The following PRKCA variants were observed in gnomAD, a reference collection of about 807,000 sequenced individuals.
The protein encoded by PRKCA is protein kinase C alpha type.
A neutral mutation model predicts 87.0 loss-of-function variants in PRKCA; 27 were observed. The observed-to-expected ratio is 0.31, with a 90% CI of 0.23 to 0.43. PRKCA has a LOEUF of 0.43. PRKCA is among the 20% of genes least tolerant of loss of function. The pLI is 1.00. For missense variants in PRKCA, 518 were observed against 852.3 expected (o/e 0.61, Z 4.88); for synonymous variants, 329 against 311.1 (o/e 1.06, Z -0.61).
At chr17:66,463,517 T>G (rs1312381800) in intron 2 of PRKCA, among the ~76,000 whole-genome samples, 1 of 152,034 alleles carries the variant, frequency 6.6e-6, no homozygotes, top group Non-Finnish European at 1.5e-5. Context: ...TGCCTCAGCC[T>G]CCCAAGTAGC....
intron 8 of PRKCA, among the ~76,000 whole-genome samples, chr17:66,708,212 A>C (rs1001053824): frequency 6.6e-6 from 1 of 152,228 alleles, no homozygotes; most frequent in South Asian, 2.1e-4. Flanking sequence ...TCGTGTCTTC[A>C]GCACTTAATT....
chr17:66,714,746 T>A (rs12946615), intron 8 of PRKCA, among the ~76,000 whole-genome samples: 8,921 of 152,212 alleles, frequency 0.059, 345 homozygotes, highest in East Asian at 0.17. Context: ...CTCAGAGAAG[T>A]GTGCAGTGCC....
chr17:66,529,864 C>T (rs1480968943), intron 3 of PRKCA, among the ~76,000 whole-genome samples: 3 of 152,150 alleles, frequency 2.0e-5, no homozygotes, highest in African/African-American at 7.2e-5. Context: ...GATTATACTG[C>T]CTGTTGGCCA....
chr17:66,382,857 A>C (rs1008570401), intron 2 of PRKCA, among the ~76,000 whole-genome samples: 1 of 152,094 alleles, frequency 6.6e-6, no homozygotes, highest in Non-Finnish European at 1.5e-5. Flanking sequence ...ATTACCACCA[A>C]CAAGAAAGAG....
intron 2 of PRKCA, among the ~76,000 whole-genome samples, chr17:66,469,005 A>G (rs1162619530): frequency 2.0e-5 from 3 of 152,228 alleles, no homozygotes; most frequent in African/African-American, 4.8e-5. Flanking sequence ...CAAGAAGGCC[A>G]TGGACTCTGA....
chr17:66,375,833 A>G (rs1909387101), intron 2 of PRKCA, among the ~76,000 whole-genome samples: 1 of 152,186 alleles, frequency 6.6e-6, no homozygotes, highest in Admixed American at 6.5e-5. Context: ...CATAGGAGCC[A>G]TATGGACCCG....
At chr17:66,630,227 T>C (rs766890117) in intron 3 of PRKCA, among the ~76,000 whole-genome samples, 2 of 152,100 alleles carry the variant, frequency 1.3e-5, no homozygotes, top group Admixed American at 1.3e-4. Flanking sequence ...AAAAGAAAAA[T>C]AATGATTTAT....
intron 3 of PRKCA, among the ~76,000 whole-genome samples, chr17:66,560,333 T>C (rs1968639611): frequency 6.6e-6 from 1 of 152,196 alleles, no homozygotes; most frequent in Non-Finnish European, 1.5e-5. Context: ...ATTTAAAATG[T>C]AAATACAAAC....
At chr17:66,681,256 G>A (rs145698026) in intron 5 of PRKCA, among the ~76,000 whole-genome samples, 52 of 152,268 alleles carry the variant, frequency 3.4e-4, no homozygotes, top group African/African-American at 9.4e-4. Context: ...CATCTGGACC[G>A]TTCTCTGAAC....
chr17:66,480,511 G>A (rs955542954), intron 2 of PRKCA, among the ~76,000 whole-genome samples: 4 of 152,144 alleles, frequency 2.6e-5, no homozygotes, highest in Non-Finnish European at 5.9e-5. Flanking sequence ...GAAAATGAAA[G>A]CATTTTATTT....
chr17:66,631,802 A>G (rs1971021813), intron 3 of PRKCA, among the ~76,000 whole-genome samples: 1 of 152,218 alleles, frequency 6.6e-6, no homozygotes, highest in Non-Finnish European at 1.5e-5. Context: ...AAAACATGAC[A>G]TGTACCCCGT....
intron 5 of PRKCA, among the ~76,000 whole-genome samples, chr17:66,678,796 G>T (rs370157775): frequency 1.3e-5 from 2 of 152,118 alleles, no homozygotes; most frequent in East Asian, 1.9e-4. Context: ...GTGGAGTGTC[G>T]TTTTTCCTTG....
intron 9 of PRKCA, 93 bp downstream of exon 9, chr17:66,732,918 G>A: frequency 6.9e-7 from 1 of 1,448,170 alleles, no homozygotes; most frequent in South Asian, 1.4e-5. Context: ...TAGCACATTA[G>A]ATTTCCCTGT....
chr17:66,419,301 C>A (rs1912355088), intron 2 of PRKCA, among the ~76,000 whole-genome samples: 2 of 152,026 alleles, frequency 1.3e-5, no homozygotes, highest in Non-Finnish European at 2.9e-5. Flanking sequence ...AATAAAAAGG[C>A]CTTTTCAAAA....
chr17:66,460,704 A>G (rs538055945), intron 2 of PRKCA, among the ~76,000 whole-genome samples: 3 of 152,304 alleles, frequency 2.0e-5, no homozygotes, highest in Non-Finnish European at 4.4e-5. Flanking sequence ...GCAGACCAGC[A>G]GCTTAGTGTC....
intron 2 of PRKCA, among the ~76,000 whole-genome samples, chr17:66,399,095 CTTTTCT>C (rs1567808906): frequency 8.4e-6 from 1 of 119,414 alleles, no homozygotes; most frequent in Non-Finnish European, 1.7e-5. Flanking sequence ...CTTTTCTTTT[CTTTTCT>C]TTTTTTTTTT....
intron 3 of PRKCA, among the ~76,000 whole-genome samples, chr17:66,528,587 A>T (rs753485680): frequency 6.6e-6 from 1 of 152,144 alleles, no homozygotes; most frequent in Admixed American, 6.5e-5. Flanking sequence ...TGACCTCTTA[A>T]TACTGGAAAA....
chr17:66,496,340 T>G (rs1168080406), intron 3 of PRKCA, 57 bp downstream of exon 3: 1 of 1,429,128 alleles, frequency 7.0e-7, no homozygotes, highest in Non-Finnish European at 9.8e-7. Flanking sequence ...GCTTTAATTT[T>G]TTTAACGCCT....
chr17:66,637,675 C>T (rs1042972099), intron 3 of PRKCA, among the ~76,000 whole-genome samples: 6 of 152,154 alleles, frequency 3.9e-5, no homozygotes, highest in African/African-American at 1.4e-4. Flanking sequence ...GTACTCACCT[C>T]GCACCAGTGA....
Sources: gnomAD v4.1 joint callset for allele counts (sites outside exome capture counted in the v4.1 genomes callset) on GRCh38, gnomAD v4.1.1 for gene constraint, MANE v1.5 for transcripts, NCBI Gene and HGNC (gene_info 2026-07-23, HGNC 2026-07-21) for gene names.